ANO10: variants seen among roughly 807,000 people sequenced by gnomAD.
ANO10 encodes anoctamin-10.
In ANO10, 77 loss-of-function variants were observed where a neutral mutation model predicts 74.7. The observed-to-expected ratio is 1.03, with a 90% CI of 0.86 to 1.25. The LOEUF is 1.25. ANO10 is among the 50% of genes most tolerant of loss of function. The pLI, the probability that ANO10 is intolerant of heterozygous loss-of-function variation, is 0.00. For synonymous variants in ANO10, 279 were observed against 284.9 expected, an observed-to-expected ratio of 0.98 and a Z score of 0.21; for missense variants, 721 against 778.1, an observed-to-expected ratio of 0.93 and a Z score of 0.87.
intron 2 of ANO10, among the ~76,000 whole-genome samples, chr3:43,602,761 G>C (rs1385891965): frequency 6.6e-6 from 1 of 152,174 alleles, no homozygotes; most frequent in Non-Finnish European, 1.5e-5. Flanking sequence ...AGGCTAAATG[G>C]AACTTCTGAG....
chr3:43,472,516 T>C (rs928103643), intron 11 of ANO10: 10 of 152,076 alleles, frequency 6.6e-5, no homozygotes, highest in African/African-American at 2.4e-4. Flanking sequence ...TCTCAGTTGA[T>C]CGTTCATGGT....
chr3:43,369,544 C>T (rs777907216), intron 12 of ANO10, among the ~76,000 whole-genome samples: 7 of 152,212 alleles, frequency 4.6e-5, no homozygotes, highest in South Asian at 2.1e-4. Flanking sequence ...AGTTGGGCCA[C>T]GGCCATGGGA....
intron 2 of ANO10, among the ~76,000 whole-genome samples, chr3:43,601,492 G>A (rs1435807201): frequency 1.3e-5 from 2 of 152,090 alleles, no homozygotes; most frequent in Non-Finnish European, 2.9e-5. Flanking sequence ...CACAGCGCCC[G>A]GCCTCAAACT....
rs1340751395 is a variant in ANO10, at chr3:43,612,138, TTTTATATATA to T, written c.-11-6285_-11-6276del. Among the ~76,000 whole-genome samples the T allele has an allele frequency of 1.7e-3, 155 of 89,210 alleles. 3 individuals are homozygous for T. Among genetic ancestry groups the T allele is most frequent in the African/African-American group, 6.8e-3 (141 of 20,748 alleles). 58.5% of individuals were successfully genotyped at this position (89,210 alleles called of 152,430 possible). A position where few individuals can be genotyped will look rare whatever the true frequency, so the allele number is the denominator to read the frequency against. ...GCAGTGGAATAAAGAAAATTAAATATTTTATATATATATATATATATATATATATATATAT... is the reference window on the plus strand; with the variant it reads ...GCAGTGGAATAAAGAAAATTAAATATTATATATATATATATATATATATAT... On this transcript the variant is annotated intron_variant, in intron 1 of 12. Transcript: ENST00000292246.
At chr3:43,688,117 G>T (rs2084297761) in intron 1 of ANO10, among the ~76,000 whole-genome samples, 5 of 152,172 alleles carry the variant, frequency 3.3e-5, no homozygotes, top group Admixed American at 3.3e-4. Flanking sequence ...GTCAGTTTCT[G>T]CATAAACTCT....
At chr3:43,404,895 A>AAC (rs1491510212) in intron 12 of ANO10, among the ~76,000 whole-genome samples, 8 of 146,282 alleles carry the variant, frequency 5.5e-5, no homozygotes, top group South Asian at 4.4e-4. Flanking sequence ...AAAAAAAAAA[A>AAC]CCACCAAAAA....
intron 12 of ANO10, chr3:43,372,749 G>T (rs1223405993): frequency 3.5e-6 from 4 of 1,141,136 alleles, no homozygotes; most frequent in Admixed American, 4.0e-5. Flanking sequence ...TCTCCAGAGA[G>T]CAGGGCCATG....
At chr3:43,524,240 G>A (rs2078088560) in intron 11 of ANO10, among the ~76,000 whole-genome samples, 1 of 3,980 alleles carries the variant, frequency 2.5e-4, no homozygotes, top group Admixed American at 2.2e-3. Flanking sequence ...CTCATAGAAG[G>A]AATGACTTTC....
At chr3:43,426,111 C>G (rs78791951) in intron 12 of ANO10, among the ~76,000 whole-genome samples, 1 of 152,086 alleles carries the variant, frequency 6.6e-6, no homozygotes. Flanking sequence ...ATCCCTCCCC[C>G]GCCTCCACAC....
chr3:43,422,905 T>G (rs1194529281), intron 12 of ANO10, among the ~76,000 whole-genome samples: 1 of 152,200 alleles, frequency 6.6e-6, no homozygotes, highest in Non-Finnish European at 1.5e-5. Context: ...AAGAAATTTT[T>G]CTCTAGTGAA....
intron 11 of ANO10, among the ~76,000 whole-genome samples, chr3:43,529,006 A>G (rs953218822): frequency 2.0e-5 from 3 of 152,142 alleles, no homozygotes; most frequent in Admixed American, 2.0e-4. Context: ...ATTTAAGAAA[A>G]TGTTCCAGAA....
At chr3:43,476,106 G>A (rs2076056674) in intron 11 of ANO10, among the ~76,000 whole-genome samples, 1 of 151,904 alleles carries the variant, frequency 6.6e-6, no homozygotes. Context: ...TGCTCATATT[G>A]TCATTTTATA....
chr3:43,589,856 T>C (rs141831271), intron 4 of ANO10, among the ~76,000 whole-genome samples: 6 of 152,344 alleles, frequency 3.9e-5, no homozygotes, highest in Admixed American at 3.9e-4. Flanking sequence ...TTTGGTATTC[T>C]ACAATAATGA....
intron 12 of ANO10, among the ~76,000 whole-genome samples, chr3:43,376,290 T>C (rs562531511): frequency 1.1e-4 from 16 of 152,322 alleles, no homozygotes; most frequent in African/African-American, 3.4e-4. Flanking sequence ...AAAGGCTGAA[T>C]TGAATGGACG....
At chr3:43,512,096 T>G (rs1380203781) in intron 11 of ANO10, among the ~76,000 whole-genome samples, 4 of 152,018 alleles carry the variant, frequency 2.6e-5, no homozygotes, top group African/African-American at 9.7e-5. Flanking sequence ...TGTGGGGACT[T>G]TTACCAGGAC....
intron 12 of ANO10, among the ~76,000 whole-genome samples, chr3:43,376,103 A>T (rs1224873847): frequency 6.6e-6 from 1 of 152,006 alleles, no homozygotes; most frequent in Non-Finnish European, 1.5e-5. Context: ...GCTGAAGAGC[A>T]CCTCCAACAA....
At chr3:43,371,740 G>T (rs1368057721) in intron 12 of ANO10, among the ~76,000 whole-genome samples, 1 of 152,260 alleles carries the variant, frequency 6.6e-6, no homozygotes, top group East Asian at 1.9e-4. Flanking sequence ...GACTCACAAG[G>T]CTAGGCAGCT....
intron 1 of ANO10, among the ~76,000 whole-genome samples, chr3:43,627,205 TGTCA>T (rs1448770214): frequency 2.0e-5 from 3 of 152,332 alleles, no homozygotes; most frequent in East Asian, 1.9e-4. Context: ...ATACCAAACT[TGTCA>T]GTCAAATTTC....
rs1371031013 is a variant in ANO10 at position 43,366,675 on chromosome 3, G to A, written c.*231C>T. On this transcript the variant is annotated 3_prime_UTR_variant, in exon 13 of 13. Transcript: ENST00000292246. ...TGGAGCAGCGTGTGGGGCCCGGGAA[G>A]GAACTGGGAAGGAGCAGACAGGGTG... 4 of 594,174 alleles carry A rather than the reference G, an allele frequency of 6.7e-6. No homozygotes were observed. The highest frequency in any genetic ancestry group is 1.2e-5 in the Non-Finnish European group (4 of 332,216). The allele number at this position is 594,174 out of a possible 1,614,324, so 36.8% of individuals were successfully genotyped here.
Sources: gnomAD v4.1 joint callset for allele counts (sites outside exome capture counted in the v4.1 genomes callset) on GRCh38, gnomAD v4.1.1 for gene constraint, MANE v1.5 for transcripts, NCBI Gene and HGNC (gene_info 2026-07-23, HGNC 2026-07-21) for gene names.